ABLIM1: variants seen among roughly 807,000 people sequenced by gnomAD.
ABLIM1 encodes the protein actin-binding LIM protein 1.
ABLIM1 carries 40 observed loss-of-function variants against 107.0 expected under a neutral mutation model. That is an observed-to-expected ratio of 0.37 (90% CI 0.29 to 0.49). The LOEUF (loss-of-function observed/expected upper bound fraction) is 0.49. ABLIM1 is among the 20% of genes least tolerant of loss of function. The pLI is 0.97. For synonymous variants in ABLIM1, 357 were observed against 357.3 expected (o/e 1.00, Z 0.01); for missense variants, 857 against 1,008.5 (o/e 0.85, Z 2.04).
At chr10:114,593,301 G>A (rs2075097809) in intron 2 of ABLIM1, among the ~76,000 whole-genome samples, 1 of 152,134 alleles carries the variant, frequency 6.6e-6, no homozygotes, top group Admixed American at 6.5e-5. Flanking sequence ...AAAAGAATCT[G>A]AGATTTTACC....
At chr10:114,745,319 GGGA>G (rs2142340417) in intron 1 of ABLIM1, among the ~76,000 whole-genome samples, 2 of 152,346 alleles carry the variant, frequency 1.3e-5, no homozygotes, top group East Asian at 3.9e-4. Context: ...CTAGCACTTT[GGGA>G]GGCCAAGGCG....
chr10:114,526,819 C>T, intron 6 of ABLIM1: 1 of 985,478 alleles, frequency 1.0e-6, no homozygotes, highest in Non-Finnish European at 1.2e-6. Flanking sequence ...ACATATCAGG[C>T]TTCTCTCCGA....
chr10:114,592,969 C>T (rs2075051744), intron 2 of ABLIM1, among the ~76,000 whole-genome samples: 1 of 151,460 alleles, frequency 6.6e-6, no homozygotes, highest in Non-Finnish European at 1.5e-5. Flanking sequence ...CAGAGAAGTA[C>T]AGACTTGGGA....
At chr10:114,719,840 C>G (rs2081797331) in intron 1 of ABLIM1, among the ~76,000 whole-genome samples, 1 of 152,176 alleles carries the variant, frequency 6.6e-6, no homozygotes, top group African/African-American at 2.4e-5. Flanking sequence ...TTCCTCCATT[C>G]CTTCAGAATA....
chr10:114,769,471 GAAAGAAAGAGAA>G (rs1369070269), upstream of ABLIM1, among the ~76,000 whole-genome samples: 4 of 99,746 alleles, frequency 4.0e-5, no homozygotes, highest in East Asian at 2.2e-4. Flanking sequence ...AAGAAAGAAA[GAAAGAAAGAGAA>G]AGAAAGAAAG....
At chr10:114,488,116 A>G in intron 7 of ABLIM1, 100 bp from the exon 8 acceptor site, 1 of 1,251,632 alleles carries the variant, frequency 8.0e-7, no homozygotes, top group Non-Finnish European at 1.2e-6. Context: ...CTCTTTCCCC[A>G]TCATAGGAAG....
intron 1 of ABLIM1, among the ~76,000 whole-genome samples, chr10:114,656,615 T>C (rs2141181399): frequency 6.6e-6 from 1 of 152,256 alleles, no homozygotes; most frequent in Middle Eastern, 3.4e-3. Flanking sequence ...AAAAAAAACC[T>C]TGTATATGGA....
intron 6 of ABLIM1, among the ~76,000 whole-genome samples, chr10:114,542,638 G>A (rs1175935027): frequency 1.2e-5 from 1 of 85,834 alleles, no homozygotes. Context: ...AGGAGGAGGA[G>A]AAGGAAATTT....
intron 10 of ABLIM1, among the ~76,000 whole-genome samples, chr10:114,469,051 CAAAAAAAAAAAA>C (rs71473043): frequency 4.9e-4 from 37 of 75,340 alleles, no homozygotes; most frequent in Non-Finnish European, 1.5e-4. Context: ...GACTCTGTCT[CAAAAAAAAAAAA>C]AAAAAAAAAA....
intron 1 of ABLIM1, among the ~76,000 whole-genome samples, chr10:114,630,024 GT>G (rs1008719870): frequency 6.6e-6 from 1 of 152,160 alleles, no homozygotes; most frequent in Non-Finnish European, 1.5e-5. Flanking sequence ...TTGGTGGCCT[GT>G]CCAAAGTGTT....
intron 2 of ABLIM1, among the ~76,000 whole-genome samples, chr10:114,600,031 A>G (rs1056513432): frequency 2.6e-5 from 4 of 152,170 alleles, no homozygotes; most frequent in African/African-American, 9.7e-5. Flanking sequence ...CTATATTAAT[A>G]TACAATTATC....
At chr10:114,612,585 C>G (rs924051849) in intron 1 of ABLIM1, among the ~76,000 whole-genome samples, 3 of 152,230 alleles carry the variant, frequency 2.0e-5, no homozygotes, top group Middle Eastern at 3.2e-3. Flanking sequence ...TGAAGCATTA[C>G]AAAAATCCCT....
chr10:114,481,188 G>T (rs1565508327), intron 8 of ABLIM1, among the ~76,000 whole-genome samples: 1 of 152,174 alleles, frequency 6.6e-6, no homozygotes. Context: ...TGAGTAAGTA[G>T]ATAAATGACA....
chr10:114,718,022 GGAAGGAAGGAGAAA>G (rs1328233709), intron 1 of ABLIM1, among the ~76,000 whole-genome samples: 14 of 117,922 alleles, frequency 1.2e-4, no homozygotes, highest in Non-Finnish European at 2.1e-4. Flanking sequence ...AAGGAAGGAA[GGAAGGAAGGAGAAA>G]GAGAAAGAGA....
chr10:114,593,549 C>T (rs929449421), intron 2 of ABLIM1, among the ~76,000 whole-genome samples: 2 of 152,180 alleles, frequency 1.3e-5, no homozygotes, highest in African/African-American at 2.4e-5. Flanking sequence ...GGAAGCCCCA[C>T]TCTTGTATAA....
intron 8 of ABLIM1, among the ~76,000 whole-genome samples, chr10:114,486,035 A>G (rs972662410): frequency 2.6e-5 from 4 of 152,178 alleles, no homozygotes; most frequent in African/African-American, 9.7e-5. Context: ...CCTCCCACGT[A>G]GTGAATGCTG....
chr10:114,517,885 C>T (rs2063126386), intron 6 of ABLIM1, among the ~76,000 whole-genome samples: 2 of 152,078 alleles, frequency 1.3e-5, no homozygotes, highest in African/African-American at 2.4e-5. Flanking sequence ...CATGGATCCC[C>T]GTGGATGTGC....
rs144800647 is a variant in ABLIM1, at chr10:114,518,890, C to G, written c.894+26115G>C. Among the ~76,000 whole-genome samples the G allele has an allele frequency of 1.0e-3, 156 of 151,964 alleles. 1 individual carries two copies. The highest frequency in any genetic ancestry group is 3.3e-3 in the African/African-American group (137 of 41,472). The stretch of plus-strand genomic sequence containing the variant: ...GGATGCCTGGACAATCATCAACAAT[C>G]TTCCTAGAAGCAGGTGGGAACTTGG... On this transcript the variant is annotated intron_variant, in intron 6 of 22. Transcript: ENST00000533213.
At chr10:114,781,706 C>T in the ABLIM1 span, among the ~76,000 whole-genome samples, 2 of 147,984 alleles carry the variant, frequency 1.4e-5, no homozygotes, top group East Asian at 4.0e-4. Context: ...CACCATCCTT[C>T]TACTTGCCCT....
Sources: allele counts gnomAD v4.1 joint callset (sites outside exome capture counted in the v4.1 genomes callset), GRCh38; gene constraint gnomAD v4.1.1; transcripts MANE v1.5; gene names NCBI Gene and HGNC (gene_info 2026-07-23, HGNC 2026-07-21).